Variants in TRMT11 observed in about 807,000 individuals in gnomAD.
TRMT11 encodes the protein tRNA methyltransferase 11, also known as tRNA (guanine(10)-N(2))-methyltransferase TRMT11.
In TRMT11, 53 loss-of-function variants were observed where a neutral mutation model predicts 62.8. That is an observed-to-expected ratio of 0.84 (90% CI 0.68 to 1.06). The LOEUF (loss-of-function observed/expected upper bound fraction) is 1.06. Ranked by LOEUF, TRMT11 falls within the 50% of genes least tolerant of loss-of-function variation. The pLI, the probability that TRMT11 is intolerant of heterozygous loss-of-function variation, is 0.00. For synonymous variants in TRMT11, 188 were observed against 190.3 expected (o/e 0.99, Z 0.10); for missense variants, 556 against 553.4 (o/e 1.00, Z -0.05).
chr6:125,997,961 G>A (rs1367033236), intron 3 of TRMT11, 92 bp from the exon 4 acceptor site: 1 of 861,438 alleles, frequency 1.2e-6, no homozygotes, highest in African/African-American at 1.7e-5. Context: ...ATAATCAGTG[G>A]AGTGTGCATA....
rs75667184 is a variant in TRMT11, at chr6:126,008,816, G to A, written c.760+344G>A. On this transcript the variant is annotated intron_variant, in intron 8 of 12. Transcript: ENST00000334379. The stretch of plus-strand genomic sequence containing the variant: ...AAAAGTTATATGCATATTTTTGACT[G>A]TGTGAGGAGTGGGCACCCCAACCCC... 253 of 392,992 alleles carry A rather than the reference G, an allele frequency of 6.4e-4. 1 individual carries two copies. In the African/African-American group the frequency reaches 6.6e-3, roughly 10 times the overall value. 24.3% of individuals were successfully genotyped at this position (392,992 alleles called of 1,614,324 possible).
At chr6:126,092,842 T>C (rs1279287529) in intron 17 of TRMT11, among the ~76,000 whole-genome samples, 1 of 152,236 alleles carries the variant, frequency 6.6e-6, no homozygotes, top group African/African-American at 2.4e-5. Context: ...TATGGAATTA[T>C]CACCAATAAG....
intron 17 of TRMT11, among the ~76,000 whole-genome samples, chr6:126,080,959 C>T (rs2128156721): frequency 6.6e-6 from 1 of 152,270 alleles, no homozygotes; most frequent in South Asian, 2.1e-4. Flanking sequence ...TGGAACTTCC[C>T]ATTACTACAA....
intron 21 of TRMT11, among the ~76,000 whole-genome samples, chr6:126,133,553 A>G (rs1777813650): frequency 6.6e-6 from 1 of 152,018 alleles, no homozygotes; most frequent in Non-Finnish European, 1.5e-5. Flanking sequence ...CTGTGTCTGC[A>G]TCCTCAGCAC....
intron 21 of TRMT11, among the ~76,000 whole-genome samples, chr6:126,128,710 T>C (rs1777745680): frequency 6.6e-6 from 1 of 152,080 alleles, no homozygotes; most frequent in South Asian, 2.1e-4. Context: ...AAATCACAAA[T>C]AAGCACCTTC....
intron 11 of TRMT11, among the ~76,000 whole-genome samples, chr6:126,020,803 C>T (rs1323654859): frequency 6.6e-6 from 1 of 152,080 alleles, no homozygotes; most frequent in Non-Finnish European, 1.5e-5. Flanking sequence ...TGAATCAGTC[C>T]TTCATGAATG....
intron 17 of TRMT11, among the ~76,000 whole-genome samples, chr6:126,077,522 A>G (rs560261597): frequency 1.8e-4 from 28 of 152,266 alleles, no homozygotes; most frequent in East Asian, 1.5e-3. Context: ...AATTCTGTCA[A>G]CATTTACTGG....
At chr6:126,095,266 G>A (rs913318787) in intron 17 of TRMT11, among the ~76,000 whole-genome samples, 10 of 152,194 alleles carry the variant, frequency 6.6e-5, no homozygotes, top group African/African-American at 2.4e-4. Context: ...AAGGAGACAG[G>A]TAACCTGAGG....
At chr6:125,989,980 CAT>C (rs1423757012) in intron 1 of TRMT11, among the ~76,000 whole-genome samples, 2 of 152,180 alleles carry the variant, frequency 1.3e-5, no homozygotes, top group Non-Finnish European at 2.9e-5. Context: ...GAGTTAATCA[CAT>C]GTTTATTTCT....
intron 21 of TRMT11, among the ~76,000 whole-genome samples, chr6:126,144,847 C>T (rs567432013): frequency 2.3e-4 from 35 of 152,194 alleles, no homozygotes; most frequent in South Asian, 1.0e-3. Flanking sequence ...AGCCAAATTC[C>T]TACAGAGAGA....
At chr6:126,118,834 T>C (rs1777617301) in intron 21 of TRMT11, among the ~76,000 whole-genome samples, 4 of 152,150 alleles carry the variant, frequency 2.6e-5, no homozygotes, top group Non-Finnish European at 4.4e-5. Flanking sequence ...CTCTTTATTA[T>C]ATTTCAACAG....
chr6:126,032,274 C>T (rs1774344826), intron 12 of TRMT11, among the ~76,000 whole-genome samples: 1 of 152,182 alleles, frequency 6.6e-6, no homozygotes, highest in Non-Finnish European at 1.5e-5. Context: ...GGAAACTCCT[C>T]TGCTTAAATC....
intron 17 of TRMT11, among the ~76,000 whole-genome samples, chr6:126,061,338 C>CA (rs1403020550): frequency 6.6e-6 from 1 of 152,190 alleles, no homozygotes; most frequent in Non-Finnish European, 1.5e-5. Flanking sequence ...TGTCTGCTGG[C>CA]AGAGAAGAAA....
intron 21 of TRMT11, among the ~76,000 whole-genome samples, chr6:126,121,225 G>A (rs1331197764): frequency 6.6e-6 from 1 of 152,048 alleles, no homozygotes; most frequent in African/African-American, 2.4e-5. Context: ...AACTGAATTT[G>A]TTTATTTAAT....
In TRMT11 at chr6:126,157,763, A is replaced by G. The variant is rs78958223; in HGVS notation, c.*1824-17062A>G. ...CATTTGGATTTCTATTAATGACTGTATAGTTTGTTCAAAAGAGAGTTACTC... is the reference window on the plus strand; with the variant it reads ...CATTTGGATTTCTATTAATGACTGTGTAGTTTGTTCAAAAGAGAGTTACTC... On this transcript the variant is annotated intron_variant and NMD_transcript_variant, in intron 21 of 22. Coordinates refer to the TRMT11 transcript ENST00000648977. Among the ~76,000 whole-genome samples, 211 of 152,332 alleles carry G rather than the reference A, an allele frequency of 1.4e-3. 4 individuals carry two copies. In the East Asian group the frequency reaches 0.039, roughly 28 times the overall value.
At chr6:126,022,761 G>T (rs1003216711) in intron 12 of TRMT11, among the ~76,000 whole-genome samples, 2 of 152,144 alleles carry the variant, frequency 1.3e-5, no homozygotes, top group African/African-American at 4.8e-5. Context: ...ATCTATATAA[G>T]TAGTTGATTG....
intron 21 of TRMT11, among the ~76,000 whole-genome samples, chr6:126,115,899 T>C (rs1028053066): frequency 2.0e-5 from 3 of 152,148 alleles, no homozygotes; most frequent in Non-Finnish European, 4.4e-5. Flanking sequence ...TCAGTCTTGC[T>C]GCACCCCCTG....
At chr6:126,211,599 A>G in the TRMT11 span, among the ~76,000 whole-genome samples, 2 of 151,512 alleles carry the variant, frequency 1.3e-5, no homozygotes, top group East Asian at 1.9e-4. Flanking sequence ...AAAATAATCA[A>G]TAGCTCTCCA....
chr6:126,150,921 T>C (rs531453088), intron 21 of TRMT11, among the ~76,000 whole-genome samples: 18 of 152,282 alleles, frequency 1.2e-4, no homozygotes, highest in African/African-American at 3.6e-4. Flanking sequence ...AAGTTGTAGA[T>C]CCATTTTTTT....
Sources: gnomAD v4.1 joint callset for allele counts (sites outside exome capture counted in the v4.1 genomes callset) on GRCh38, gnomAD v4.1.1 for gene constraint, MANE v1.5 for transcripts, NCBI Gene and HGNC (gene_info 2026-07-23, HGNC 2026-07-21) for gene names.